PDS5B: variants seen among roughly 807,000 people sequenced by gnomAD.
PDS5B encodes PDS5 cohesin associated factor B.
PDS5B carries 51 observed loss-of-function variants against 184.1 expected under a neutral mutation model. That is an observed-to-expected ratio of 0.28 (90% confidence interval 0.22 to 0.35). The LOEUF (loss-of-function observed/expected upper bound fraction) is 0.35. PDS5B is among the 10% of genes least tolerant of loss of function. The probability of loss-of-function intolerance (pLI) is 1.00; values close to 1 mark genes in which losing one functional copy is unlikely to be tolerated. For synonymous variants in PDS5B, 566 were observed against 569.2 expected (o/e 0.99, Z 0.08); for missense variants, 1,180 against 1,723.3 (o/e 0.68, Z 5.58).
intron 1 of PDS5B, among the ~76,000 whole-genome samples, chr13:32,645,534 A>C (rs1330649312): frequency 3.3e-5 from 5 of 152,154 alleles, no homozygotes; most frequent in African/African-American, 1.2e-4. Context: ...TTTGGTAATA[A>C]GATGTAGTTT....
intron 17 of PDS5B, among the ~76,000 whole-genome samples, chr13:32,704,287 G>A (rs1951944076): frequency 6.6e-6 from 1 of 152,028 alleles, no homozygotes; most frequent in Non-Finnish European, 1.5e-5. Context: ...TCCTGCCTCA[G>A]CCTTACAAGT....
At chr13:32,652,390 A>C (rs1163140040) in intron 3 of PDS5B, 1 of 164,634 alleles carries the variant, frequency 6.1e-6, no homozygotes, top group African/African-American at 2.4e-5. Context: ...ATTTAATGGA[A>C]GGTGTGATAT....
intron 6 of PDS5B, among the ~76,000 whole-genome samples, chr13:32,661,385 CAA>C (rs747985772): frequency 0.06 from 1,903 of 31,538 alleles, 2 homozygotes; most frequent in African/African-American, 0.16. Flanking sequence ...GACTCTGTCT[CAA>C]AAAAAAAAAA....
At chr13:32,610,945 GA>G (rs1378548241) in intron 1 of PDS5B, among the ~76,000 whole-genome samples, 1 of 150,914 alleles carries the variant, frequency 6.6e-6, no homozygotes, top group African/African-American at 2.4e-5. Flanking sequence ...CTTTCTTATT[GA>G]AAAGTTTAAG....
chr13:32,663,851 A>C (rs1386596276), intron 6 of PDS5B, among the ~76,000 whole-genome samples: 1 of 152,096 alleles, frequency 6.6e-6, no homozygotes, highest in Non-Finnish European at 1.5e-5. Context: ...TGTGTACACA[A>C]TGTGTTTTTT....
chr13:32,718,113 A>G (rs1458750111), intron 19 of PDS5B, among the ~76,000 whole-genome samples: 1 of 152,078 alleles, frequency 6.6e-6, no homozygotes, highest in Non-Finnish European at 1.5e-5. Context: ...GGAAAAGGGT[A>G]TACAATAGAT....
chr13:32,629,113 G>A (rs1056337231), intron 1 of PDS5B, among the ~76,000 whole-genome samples: 1 of 152,030 alleles, frequency 6.6e-6, no homozygotes, highest in African/African-American at 2.4e-5. Flanking sequence ...AGAAGTTGGG[G>A]GTATTGGAAT....
intron 1 of PDS5B, among the ~76,000 whole-genome samples, chr13:32,611,764 C>G (rs2058145999): frequency 6.6e-6 from 1 of 152,026 alleles, no homozygotes; most frequent in Admixed American, 6.6e-5. Context: ...CCATCTCAGC[C>G]TCCCAAAGTG....
chr13:32,708,105 A>G (rs1336091989), intron 18 of PDS5B, among the ~76,000 whole-genome samples: 1 of 152,168 alleles, frequency 6.6e-6, no homozygotes, highest in Non-Finnish European at 1.5e-5. Context: ...GTCTGTATAT[A>G]ATTAAAAGTA....
At chr13:32,699,689 TAA>T (rs571075625) in intron 15 of PDS5B, 39 bp from the exon 16 acceptor site, 114 of 1,175,554 alleles carry the variant, frequency 9.7e-5, no homozygotes, top group Non-Finnish European at 6.8e-6. Flanking sequence ...TTTTAAGAAT[TAA>T]AAAAAATTGA....
intron 1 of PDS5B, among the ~76,000 whole-genome samples, chr13:32,628,742 C>T (rs959489758): frequency 6.6e-5 from 10 of 151,928 alleles, no homozygotes; most frequent in South Asian, 2.1e-4. Context: ...CTTTCCCACT[C>T]GTTAGTACAT....
intron 19 of PDS5B, among the ~76,000 whole-genome samples, chr13:32,718,440 A>G (rs1453721269): frequency 6.6e-6 from 1 of 152,122 alleles, no homozygotes; most frequent in Non-Finnish European, 1.5e-5. Context: ...GTGAGCCACC[A>G]CGCCTGGCCA....
chr13:32,628,383 G>A (rs983120004), intron 1 of PDS5B, among the ~76,000 whole-genome samples: 3 of 151,762 alleles, frequency 2.0e-5, no homozygotes, highest in Non-Finnish European at 2.9e-5. Flanking sequence ...GTGAAACCCC[G>A]TCTCTACAAA....
intron 1 of PDS5B, among the ~76,000 whole-genome samples, chr13:32,607,725 G>A (rs929821102): frequency 3.3e-5 from 5 of 152,136 alleles, no homozygotes; most frequent in African/African-American, 9.7e-5. Flanking sequence ...CGAGCTTCCC[G>A]GCCAACTTGT....
intron 12 of PDS5B, among the ~76,000 whole-genome samples, 173 bp from the exon 13 acceptor site, chr13:32,688,283 T>G (rs1951451708): frequency 6.6e-6 from 1 of 152,058 alleles, no homozygotes; most frequent in Non-Finnish European, 1.5e-5. Flanking sequence ...AGCTAAATCC[T>G]GTTTTGGTCC....
chr13:32,659,145 G>T lies in PDS5B; in HGVS notation c.498-9G>T. 6.6e-7 allele frequency: 1 copy of T among 1,522,456 alleles called. No homozygotes were observed. Among genetic ancestry groups the T allele is most frequent in the South Asian group, 1.4e-5 (1 of 73,208 alleles). 94.3% of individuals were successfully genotyped at this position (1,522,456 alleles called of 1,614,324 possible). A position where few individuals can be genotyped will look rare whatever the true frequency, so the allele number is the denominator to read the frequency against. ...TTGTAATTGAAACAAAATCTGTTTT[G>T]AATTGCAGCAATGGCCACAATCAGA... On this transcript the variant is annotated splice_polypyrimidine_tract_variant and intron_variant, in intron 5 of 34. Transcript: ENST00000315596.
intron 21 of PDS5B, among the ~76,000 whole-genome samples, chr13:32,738,817 G>A (rs985425523): frequency 1.1e-4 from 17 of 151,692 alleles, no homozygotes; most frequent in Non-Finnish European, 5.9e-5. Context: ...GACTACAGGC[G>A]CCCACCACCA....
rs199860513 is a variant in PDS5B, at chr13:32,679,007, A to C, written c.1057+78A>C. On this transcript the variant is annotated intron_variant, in intron 10 of 34. Transcript: ENST00000315596. ...AATAAGTTTCATAGGGGGAAAAAAA[A>C]CCCCTTTTTTCGGGGGTGGTAGGTG... The C allele has an allele frequency of 1.6e-3, 965 of 611,472 alleles. 8 individuals carry two copies. Among genetic ancestry groups the C allele is most frequent in the Middle Eastern group, 6.2e-4 (2 of 3,216 alleles). 37.9% of individuals were successfully genotyped at this position (611,472 alleles called of 1,614,324 possible). A position where few individuals can be genotyped will look rare whatever the true frequency, so the allele number is the denominator to read the frequency against.
chr13:32,727,042 G>A (rs1287421710), intron 19 of PDS5B, among the ~76,000 whole-genome samples: 1 of 152,026 alleles, frequency 6.6e-6, no homozygotes, highest in Non-Finnish European at 1.5e-5. Context: ...GTTTCAATGG[G>A]AGTGCTTAGA....
Sources: gnomAD v4.1 joint callset for allele counts (sites outside exome capture counted in the v4.1 genomes callset) on GRCh38, gnomAD v4.1.1 for gene constraint, MANE v1.5 for transcripts, NCBI Gene and HGNC (gene_info 2026-07-23, HGNC 2026-07-21) for gene names.